The following RABGAP1L variants were observed in gnomAD, a reference collection of about 807,000 sequenced individuals.
RABGAP1L encodes the protein RAB GTPase activating protein 1 like.
Under a neutral mutation model 137.7 loss-of-function variants are expected in RABGAP1L, and 63 were observed. The ratio of observed to expected loss-of-function variants is 0.46; its 90% CI spans 0.37 to 0.56. The LOEUF (loss-of-function observed/expected upper bound fraction) is 0.56. Among genes scored for constraint, RABGAP1L ranks in the 20% least tolerant of loss-of-function variants. The probability of loss-of-function intolerance (pLI) is 0.00; values close to 1 mark genes in which losing one functional copy is unlikely to be tolerated. For missense variants in RABGAP1L, 1,095 were observed against 1,244.0 expected (o/e 0.88, Z 1.80); for synonymous variants, 431 against 433.7 (o/e 0.99, Z 0.08).
intron 11 of RABGAP1L, among the ~76,000 whole-genome samples, chr1:174,316,570 C>T (rs1679395348): frequency 6.6e-6 from 1 of 152,130 alleles, no homozygotes; most frequent in Non-Finnish European, 1.5e-5. Context: ...GTTCTCTTTT[C>T]TTACTTTCTC....
At chr1:174,280,116 A>G (rs1328700791) in intron 10 of RABGAP1L, among the ~76,000 whole-genome samples, 1 of 150,798 alleles carries the variant, frequency 6.6e-6, no homozygotes, top group African/African-American at 2.4e-5. Flanking sequence ...GTTAAAATTC[A>G]TGTAAGTAAT....
chr1:174,220,566 G>A (rs1288830669), intron 2 of RABGAP1L: 1 of 153,768 alleles, frequency 6.5e-6, no homozygotes, highest in Non-Finnish European at 1.4e-5. Flanking sequence ...TACTTGAGAG[G>A]CTGAGGCATG....
chr1:174,449,208 A>G (rs753692413), intron 13 of RABGAP1L: 2 of 1,546,532 alleles, frequency 1.3e-6, no homozygotes, highest in East Asian at 2.3e-5. Flanking sequence ...AGAGAGCTAC[A>G]TAGTAAATCA....
At chr1:174,925,859 G>GTTTTTTTTTGTTTTTTTTTTTT (rs1662703046) in intron 19 of RABGAP1L, among the ~76,000 whole-genome samples, 1 of 128,854 alleles carries the variant, frequency 7.8e-6, no homozygotes, top group Admixed American at 8.1e-5. Flanking sequence ...TTTGTTGTTG[G>GTTTTTTTTTGTTTTTTTTTTTT]TTTTTTTTTT....
intron 11 of RABGAP1L, among the ~76,000 whole-genome samples, chr1:174,333,674 G>A (rs1310986579): frequency 1.3e-5 from 2 of 152,152 alleles, no homozygotes; most frequent in Admixed American, 1.3e-4. Flanking sequence ...AGCCCCTGAG[G>A]CTGCTCCCAC....
intron 10 of RABGAP1L, among the ~76,000 whole-genome samples, chr1:174,280,838 G>A (rs1390151087): frequency 3.3e-5 from 5 of 152,194 alleles, no homozygotes; most frequent in East Asian, 1.9e-4. Context: ...ATGAAGCCGC[G>A]GACCCTTGCG....
intron 15 of RABGAP1L, among the ~76,000 whole-genome samples, chr1:174,697,486 AT>A (rs927664397): frequency 1.3e-5 from 2 of 152,044 alleles, no homozygotes; most frequent in African/African-American, 4.8e-5. Context: ...ATGCCCAGCT[AT>A]TTTGTATTTT....
intron 21 of RABGAP1L, 196 bp from the exon 22 acceptor site, chr1:174,975,882 A>C (rs1670601438): frequency 1.9e-6 from 1 of 539,636 alleles, no homozygotes; most frequent in Non-Finnish European, 3.4e-6. Flanking sequence ...GATTAGAAAT[A>C]ATGTGTGCCA....
chr1:174,303,257 A>G (rs1351582805), intron 10 of RABGAP1L, among the ~76,000 whole-genome samples: 1 of 151,858 alleles, frequency 6.6e-6, no homozygotes, highest in African/African-American at 2.4e-5. Flanking sequence ...TCAGCTTTGC[A>G]TCAGATTAAC....
intron 19 of RABGAP1L, among the ~76,000 whole-genome samples, chr1:174,950,090 A>ATTT (rs1667484953): frequency 6.6e-6 from 1 of 152,234 alleles, no homozygotes; most frequent in Non-Finnish European, 1.5e-5. Flanking sequence ...TAATTGGGAA[A>ATTT]GCTAGACATG....
chr1:174,398,916 A>C (rs1648212370), intron 13 of RABGAP1L, among the ~76,000 whole-genome samples: 1 of 152,210 alleles, frequency 6.6e-6, no homozygotes, highest in Non-Finnish European at 1.5e-5. Context: ...GTAAATATTT[A>C]CTAATTGCCA....
chr1:174,623,823 C>G (rs1289384547), intron 13 of RABGAP1L, among the ~76,000 whole-genome samples: 1 of 152,194 alleles, frequency 6.6e-6, no homozygotes, highest in African/African-American at 2.4e-5. Context: ...TTGGACCCCC[C>G]TCATCAGGCA....
chr1:174,240,182 G>T (rs1278418969), intron 4 of RABGAP1L, among the ~76,000 whole-genome samples: 1 of 152,028 alleles, frequency 6.6e-6, no homozygotes, highest in Non-Finnish European at 1.5e-5. Flanking sequence ...ATCTTGAAGG[G>T]GTCTTGAATG....
intron 19 of RABGAP1L, chr1:174,892,630 A>G (rs1656372415): frequency 1.1e-5 from 6 of 533,120 alleles, no homozygotes; most frequent in Non-Finnish European, 2.3e-5. Context: ...ACATTTTCTT[A>G]TTTGATGAGG....
chr1:174,215,797 A>G (rs1306674914), intron 1 of RABGAP1L, among the ~76,000 whole-genome samples: 2 of 152,192 alleles, frequency 1.3e-5, no homozygotes, highest in African/African-American at 2.4e-5. Flanking sequence ...GAGGTTTCAC[A>G]TGATTCACCA....
intron 14 of RABGAP1L, among the ~76,000 whole-genome samples, chr1:174,649,941 G>A (rs1055191075): frequency 6.6e-6 from 1 of 152,080 alleles, no homozygotes; most frequent in African/African-American, 2.4e-5. Flanking sequence ...TCCAGTTTTT[G>A]CCCATTCAGT....
chr1:174,217,832 A>C (rs943266201), intron 1 of RABGAP1L, among the ~76,000 whole-genome samples: 3 of 152,194 alleles, frequency 2.0e-5, no homozygotes, highest in Non-Finnish European at 2.9e-5. Flanking sequence ...ACTTTTTAAA[A>C]GATACACATG....
intron 19 of RABGAP1L, among the ~76,000 whole-genome samples, chr1:174,909,382 C>T (rs958661681): frequency 4.6e-5 from 7 of 152,212 alleles, no homozygotes; most frequent in Non-Finnish European, 8.8e-5. Context: ...TGCCACCATA[C>T]ACCTGACTGA....
chr1:174,196,695 C>T (rs1238862847), intron 1 of RABGAP1L, among the ~76,000 whole-genome samples: 1 of 151,364 alleles, frequency 6.6e-6, no homozygotes, highest in Non-Finnish European at 1.5e-5. Context: ...TAACTTCCTG[C>T]TCTAGTTTCT....
Sources: gnomAD v4.1 joint callset for allele counts (sites outside exome capture counted in the v4.1 genomes callset) on GRCh38, gnomAD v4.1.1 for gene constraint, MANE v1.5 for transcripts, NCBI Gene and HGNC (gene_info 2026-07-23, HGNC 2026-07-21) for gene names.